THSD7A: variants seen among roughly 807,000 people sequenced by gnomAD.
THSD7A encodes thrombospondin type-1 domain-containing protein 7A.
THSD7A carries 96 observed loss-of-function variants against 231.3 expected under a neutral mutation model. That is an observed-to-expected ratio of 0.41 (90% CI 0.35 to 0.49). The LOEUF is 0.49. Ranked by LOEUF, THSD7A falls within the 20% of genes least tolerant of loss-of-function variation. THSD7A has a pLI of 0.05. For synonymous variants in THSD7A, 940 were observed against 743.3 expected, an observed-to-expected ratio of 1.26 and a Z score of -4.30; for missense variants, 2,290 against 2,070.2, an observed-to-expected ratio of 1.11 and a Z score of -2.06.
intron 6 of THSD7A, among the ~76,000 whole-genome samples, chr7:11,482,384 T>C (rs754172784): frequency 1.3e-5 from 2 of 152,210 alleles, no homozygotes; most frequent in African/African-American, 2.4e-5. Context: ...ACTCTATCCA[T>C]AGCATCTATC....
At chr7:11,525,291 T>C (rs1788425265) in intron 6 of THSD7A, among the ~76,000 whole-genome samples, 1 of 152,110 alleles carries the variant, frequency 6.6e-6, no homozygotes, top group South Asian at 2.1e-4. Context: ...TGCCAAGAAA[T>C]ATTATAAATG....
rs7811128 is a variant in THSD7A, at chr7:11,377,710, A to T, written c.4802-1053T>A. Among the ~76,000 whole-genome samples the T allele has an allele frequency of 0.41, 62,172 of 151,872 alleles. 13,834 individuals are homozygous for T. The highest frequency in any genetic ancestry group is 0.57 in the African/African-American group (23,755 of 41,422). ...CAAAAGAGCTGTTCCACGATTGAGG[A>T]TCTCTGTTGAGAGTTTCTTCAACAA... On this transcript the variant is annotated intron_variant, in intron 26 of 27. Transcript: ENST00000423059. This position sits in a 1 kb window ranked among gnomAD's most constrained non-coding sequence, Gnocchi z 4.5.
intron 6 of THSD7A, among the ~76,000 whole-genome samples, chr7:11,487,191 T>A (rs1786693080): frequency 1.3e-5 from 2 of 152,150 alleles, no homozygotes; most frequent in Non-Finnish European, 1.5e-5. Context: ...TCATGAGCTC[T>A]CCTAAACTAT....
chr7:11,511,654 GACAAACCTGAGAAAAACAAGC>G (rs1180371411), intron 6 of THSD7A, among the ~76,000 whole-genome samples: 1 of 152,092 alleles, frequency 6.6e-6, no homozygotes, highest in Non-Finnish European at 1.5e-5. Context: ...TCTGATCTTT[GACAAACCTGAGAAAAACAAGC>G]AATGGGGAAA....
chr7:11,610,021 T>C (rs1780868449), intron 2 of THSD7A, among the ~76,000 whole-genome samples: 1 of 152,102 alleles, frequency 6.6e-6, no homozygotes, highest in Non-Finnish European at 1.5e-5. Context: ...ATAAAACAAC[T>C]AACATAAAAA....
chr7:11,604,059 C>G (rs1053415583), intron 2 of THSD7A, among the ~76,000 whole-genome samples: 1 of 151,666 alleles, frequency 6.6e-6, no homozygotes, highest in Admixed American at 6.6e-5. Flanking sequence ...AAAAGATTCT[C>G]AAGATGATGA....
rs775383767 is a variant in THSD7A, at chr7:11,406,779, A to G, written c.4062+131T>C. 5.9e-6 allele frequency: 7 copies of G among 1,186,988 alleles called. No individual in the cohort carries two copies. Among genetic ancestry groups the G allele is most frequent in the Non-Finnish European group, 6.9e-6 (6 of 869,314 alleles). The allele number at this position is 1,186,988 out of a possible 1,614,324, so 73.5% of individuals were successfully genotyped here. ...AATGGTTATAAAATGGCAAGTACAT[A>G]CAAATTTTAAGAAGCTTGTCATCTG... On this transcript the variant is annotated intron_variant, in intron 21 of 27. Transcript: ENST00000423059. This position sits in a 1 kb window ranked among gnomAD's most constrained non-coding sequence, Gnocchi z 4.7.
rs576152901 is a variant in THSD7A at position 11,748,850 on chromosome 7, G to A, written c.190+82907C>T. Among the ~76,000 whole-genome samples the A allele has an allele frequency of 1.7e-3, 265 of 152,044 alleles. 1 individual carries two copies. Among genetic ancestry groups the A allele is most frequent in the Non-Finnish European group, 3.0e-3 (205 of 67,934 alleles). ...TTAAAAAGTCTCTTTGGAGTCGCAC[G>A]TTGTTATAGTAAAATAAATCATAAT... On this transcript the variant is annotated intron_variant, in intron 1 of 27. Coordinates refer to ENST00000423059, the MANE Select transcript of THSD7A (RefSeq NM_015204.3).
rs568594317 is a variant in THSD7A at position 11,634,020 on chromosome 7, T to C, written c.1022+2110A>G. 7.2e-5 allele frequency among the ~76,000 whole-genome samples: 11 copies of C among 152,268 alleles called. No individual in the cohort carries two copies. The highest frequency in any genetic ancestry group is 2.6e-4 in the African/African-American group (11 of 41,574). ...GTCATTGATTCACTCTTCACTTTAT[T>C]GGCTTCACTGATATCATGGTATAAT... On this transcript the variant is annotated intron_variant, in intron 2 of 27. Coordinates refer to ENST00000423059, the MANE Select transcript of THSD7A (RefSeq NM_015204.3). This position sits in a 1 kb window ranked among gnomAD's most constrained non-coding sequence, Gnocchi z 4.1.
At chr7:11,729,301 T>A (rs901842108) in intron 1 of THSD7A, among the ~76,000 whole-genome samples, 1 of 151,814 alleles carries the variant, frequency 6.6e-6, no homozygotes, top group Non-Finnish European at 1.5e-5. Flanking sequence ...TAATCGTGTA[T>A]GACACTTAAC....
At chr7:11,790,823 G>A (rs993005167) in intron 1 of THSD7A, among the ~76,000 whole-genome samples, 23 of 151,838 alleles carry the variant, frequency 1.5e-4, no homozygotes, top group Non-Finnish European at 1.5e-5. Context: ...AGATAGTGAG[G>A]CAACAGGTTA....
rs3735503 is a variant in THSD7A at position 11,375,790 on chromosome 7, T to C, written c.*4A>G. On this transcript the variant is annotated 3_prime_UTR_variant, in exon 28 of 28. Transcript: ENST00000423059. ...AACTGGTTGTTGCCAGGAAAAGTTATATGTTACATGTCGGCATCTCCATCA... is the reference window on the plus strand; with the variant it reads ...AACTGGTTGTTGCCAGGAAAAGTTACATGTTACATGTCGGCATCTCCATCA... 177 of 1,611,668 alleles carry C rather than the reference T, an allele frequency of 1.1e-4. No homozygotes were observed. In the East Asian group the frequency reaches 3.3e-3, roughly 30 times the overall value.
At chr7:11,787,129 C>A (rs1199476289) in intron 1 of THSD7A, among the ~76,000 whole-genome samples, 5 of 152,046 alleles carry the variant, frequency 3.3e-5, no homozygotes, top group South Asian at 2.1e-4. Context: ...TTTAATGGAT[C>A]CTTTTGAAAT....
chr7:11,626,731 T>C (rs1160069961), intron 2 of THSD7A, among the ~76,000 whole-genome samples: 3 of 152,068 alleles, frequency 2.0e-5, no homozygotes, highest in African/African-American at 7.2e-5. Context: ...ATTTAAAAAT[T>C]CTCAGAGACT....
In THSD7A at chr7:11,811,658, C is replaced by T. The variant is rs1360238003; in HGVS notation, c.190+20099G>A. On this transcript the variant is annotated intron_variant, in intron 1 of 27. Coordinates refer to ENST00000423059, the MANE Select transcript of THSD7A (RefSeq NM_015204.3). ...TTACTGTAATGCTTGCAAAGGATTT[C>T]ATTTGAATATATTTATACTAGTTCT... Among the ~76,000 whole-genome samples, 5 of 152,138 alleles carry T rather than the reference C, an allele frequency of 3.3e-5. No individual in the cohort carries two copies. In the East Asian group the frequency reaches 9.6e-4, roughly 29 times the overall value.
At chr7:11,581,281 A>G (rs1163605566) in intron 4 of THSD7A, among the ~76,000 whole-genome samples, 6 of 152,154 alleles carry the variant, frequency 3.9e-5, no homozygotes, top group Non-Finnish European at 1.5e-5. Context: ...TATTCTTCAT[A>G]TTGTTAGAGA....
intron 4 of THSD7A, among the ~76,000 whole-genome samples, chr7:11,566,999 T>C (rs1306228663): frequency 7.7e-6 from 1 of 130,176 alleles, no homozygotes; most frequent in African/African-American, 3.1e-5. Flanking sequence ...TTTCCTAAAG[T>C]TGTTGTTCCT....
At chr7:11,529,525 C>T (rs1788614729) in intron 6 of THSD7A, among the ~76,000 whole-genome samples, 2 of 152,046 alleles carry the variant, frequency 1.3e-5, no homozygotes, top group African/African-American at 4.8e-5. Flanking sequence ...GGATGGTTTC[C>T]CCCATGCTGC....
intron 1 of THSD7A, among the ~76,000 whole-genome samples, chr7:11,643,582 A>T (rs552920555): frequency 7.6e-5 from 9 of 118,708 alleles, no homozygotes; most frequent in African/African-American, 3.1e-4. Context: ...CCATTTCAAC[A>T]GATACACCAC....
Sources: gnomAD v4.1 joint callset for allele counts (sites outside exome capture counted in the v4.1 genomes callset) on GRCh38, gnomAD v4.1.1 for gene constraint, Gnocchi (gnomAD v3.1) non-coding constraint, MANE v1.5 for transcripts, NCBI Gene and HGNC (gene_info 2026-07-23, HGNC 2026-07-21) for gene names.